The following GAB2 variants were observed in gnomAD, a reference collection of about 807,000 sequenced individuals.
GAB2 encodes the protein GRB2 associated binding protein 2, also known as GRB2-associated-binding protein 2.
In GAB2, 26 loss-of-function variants were observed where a neutral mutation model predicts 65.5. That is an observed-to-expected ratio of 0.40 (90% confidence interval 0.29 to 0.55). The LOEUF (loss-of-function observed/expected upper bound fraction) is 0.55, where lower values mean the gene tolerates loss of function less well. Ranked by LOEUF, GAB2 falls within the 20% of genes least tolerant of loss-of-function variation. The probability of loss-of-function intolerance (pLI) is 0.53; values close to 1 mark genes in which losing one functional copy is unlikely to be tolerated. For synonymous variants in GAB2, 321 were observed against 329.6 expected (o/e 0.97, Z 0.28); for missense variants, 884 against 875.8 (o/e 1.01, Z -0.12).
chr11:78,355,305 T>C (rs1346342576), intron 1 of GAB2, among the ~76,000 whole-genome samples: 2 of 152,208 alleles, frequency 1.3e-5, no homozygotes, highest in Non-Finnish European at 2.9e-5. Context: ...AATTTGAGAT[T>C]GGCACGAATG....
At chr11:78,295,490 A>G (rs946049167) in intron 1 of GAB2, among the ~76,000 whole-genome samples, 9 of 152,134 alleles carry the variant, frequency 5.9e-5, no homozygotes, top group African/African-American at 1.4e-4. Context: ...TCCCTTCCTC[A>G]TTCCAATCAT....
intron 1 of GAB2, among the ~76,000 whole-genome samples, chr11:78,295,621 A>G (rs892952555): frequency 1.3e-5 from 2 of 152,216 alleles, no homozygotes; most frequent in African/African-American, 4.8e-5. Flanking sequence ...TTATAATGGT[A>G]TGAACAGAGG....
chr11:78,369,988 T>C (rs1426688969), intron 1 of GAB2, among the ~76,000 whole-genome samples: 3 of 152,038 alleles, frequency 2.0e-5, no homozygotes, highest in African/African-American at 7.2e-5. Flanking sequence ...CCGGGCGCGG[T>C]GGCTCACGCC....
chr11:78,412,031 A>AAACAACAACAACAACAACAAC lies in GAB2; in HGVS notation c.75+5594_75+5614dup, dbSNP rs373083805. On this transcript the variant is annotated intron_variant, in intron 1 of 9. Transcript: ENST00000361507. ...GGTGACAGAGTGAGAATCTGTCTAA[A>AAACAACAACAACAACAACAAC]AACAACAACAACAACAACAACAACA... Among the ~76,000 whole-genome samples the AAACAACAACAACAACAACAAC allele has an allele frequency of 3.1e-3, 473 of 150,756 alleles. 2 individuals are homozygous for AAACAACAACAACAACAACAAC. Among genetic ancestry groups the AAACAACAACAACAACAACAAC allele is most frequent in the African/African-American group, 0.011 (432 of 40,720 alleles).
chr11:78,247,672 T>C (rs1311171211), intron 3 of GAB2, among the ~76,000 whole-genome samples: 3 of 152,244 alleles, frequency 2.0e-5, no homozygotes, highest in Non-Finnish European at 4.4e-5. Context: ...TTCTGCCTTT[T>C]TTATTGCTCT....
chr11:78,372,260 T>C (rs1431460594), intron 1 of GAB2, among the ~76,000 whole-genome samples: 1 of 152,224 alleles, frequency 6.6e-6, no homozygotes. Context: ...GACTCTGCTT[T>C]AAGCCTGCCA....
At chr11:78,402,582 A>C in intron 1 of GAB2, among the ~76,000 whole-genome samples, 1 of 5,022 alleles carries the variant, frequency 2.0e-4, no homozygotes, top group Non-Finnish European at 3.5e-4. Flanking sequence ...CAATCGCCCC[A>C]GTAGCTGGGA....
chr11:78,306,715 G>A (rs76640320), intron 1 of GAB2, among the ~76,000 whole-genome samples: 2,268 of 152,312 alleles, frequency 0.015, 57 homozygotes, highest in African/African-American at 0.052. Context: ...GGCAGAGAGT[G>A]AAAGGATGTA....
intron 3 of GAB2, among the ~76,000 whole-genome samples, chr11:78,234,306 C>T (rs934409779): frequency 1.3e-5 from 2 of 152,084 alleles, no homozygotes; most frequent in South Asian, 4.1e-4. Context: ...TGGTTTTCAA[C>T]TCCTGAGCTC....
At chr11:78,242,278 G>A (rs368073932) in intron 3 of GAB2, among the ~76,000 whole-genome samples, 8 of 152,060 alleles carry the variant, frequency 5.3e-5, no homozygotes, top group East Asian at 1.9e-4. Context: ...CAAGGTGGGC[G>A]GATCACGAGG....
At chr11:78,376,338 G>A (rs1282377037) in intron 1 of GAB2, among the ~76,000 whole-genome samples, 1 of 152,180 alleles carries the variant, frequency 6.6e-6, no homozygotes, top group Non-Finnish European at 1.5e-5. Flanking sequence ...CTAACACTGA[G>A]ACAGTACTTG....
At chr11:78,390,676 G>A (rs1403658946) in intron 1 of GAB2, among the ~76,000 whole-genome samples, 1 of 152,112 alleles carries the variant, frequency 6.6e-6, no homozygotes, top group Non-Finnish European at 1.5e-5. Context: ...CCAATACCGC[G>A]ATCTCCTCCA....
chr11:78,412,614 AC>A (rs1857143648), intron 1 of GAB2, among the ~76,000 whole-genome samples: 1 of 152,210 alleles, frequency 6.6e-6, no homozygotes, highest in Admixed American at 6.5e-5. Context: ...GTGATACTGT[AC>A]TATAATTTTG....
intron 2 of GAB2, among the ~76,000 whole-genome samples, chr11:78,278,877 C>A (rs1866250163): frequency 6.6e-6 from 1 of 152,094 alleles, no homozygotes; most frequent in African/African-American, 2.4e-5. Context: ...TGCTACCATG[C>A]CCAGCTAATT....
At chr11:78,263,492 GCA>G (rs1590977756) in intron 2 of GAB2, among the ~76,000 whole-genome samples, 2 of 152,148 alleles carry the variant, frequency 1.3e-5, no homozygotes, top group East Asian at 1.9e-4. Context: ...AATTAGCTGG[GCA>G]TGGTGGTGGG....
chr11:78,246,381 G>A (rs1168598798), intron 3 of GAB2, among the ~76,000 whole-genome samples: 1 of 152,142 alleles, frequency 6.6e-6, no homozygotes, highest in African/African-American at 2.4e-5. Context: ...TTGAGAATGG[G>A]TTATATTTTT....
chr11:78,380,829 A>G (rs1354385288), intron 1 of GAB2, among the ~76,000 whole-genome samples: 1 of 129,434 alleles, frequency 7.7e-6, no homozygotes, highest in Non-Finnish European at 1.6e-5. Context: ...AGATAAGACC[A>G]TCTCAGAACG....
intron 1 of GAB2, among the ~76,000 whole-genome samples, chr11:78,414,298 G>A (rs901879492): frequency 6.6e-6 from 1 of 152,106 alleles, no homozygotes; most frequent in African/African-American, 2.4e-5. Context: ...ACCTGATCCA[G>A]TGCCTGGGAC....
In GAB2 at chr11:78,300,516, T is replaced by TAAAAAAAAA. The variant is rs138790128; in HGVS notation, c.76-19616_76-19615insTTTTTTTTT. Among the ~76,000 whole-genome samples the TAAAAAAAAA allele has an allele frequency of 6.6e-3, 941 of 142,736 alleles. 13 individuals carry two copies. The highest frequency in any genetic ancestry group is 0.023 in the African/African-American group (876 of 38,308). 93.6% of individuals were successfully genotyped at this position (142,736 alleles called of 152,430 possible). On this transcript the variant is annotated intron_variant, in intron 1 of 9. Transcript: ENST00000361507. ...CATAGTAAGTCTACGTTTAATTTTA[T>TAAAAAAAAA]AAAAAAACAAAAAAACAAAAAACTA...
Sources: allele counts gnomAD v4.1 joint callset (sites outside exome capture counted in the v4.1 genomes callset), GRCh38; gene constraint gnomAD v4.1.1; transcripts MANE v1.5; gene names NCBI Gene and HGNC (gene_info 2026-07-23, HGNC 2026-07-21).